The following ADAM29 variants were observed in gnomAD, a reference collection of about 807,000 sequenced individuals.
ADAM29 encodes the protein disintegrin and metalloproteinase domain-containing protein 29.
For synonymous variants in ADAM29, 367 were observed against 342.3 expected (o/e 1.07, Z -0.80); for missense variants, 969 against 1,001.8 (o/e 0.97, Z 0.44).
intron 4 of ADAM29, among the ~76,000 whole-genome samples, chr4:174,964,763 TA>T (rs1430618653): frequency 7.9e-5 from 12 of 152,042 alleles, no homozygotes; most frequent in Admixed American, 2.0e-4. Context: ...TAAACTTGAG[TA>T]AAACTCTTAA....
intron 4 of ADAM29, among the ~76,000 whole-genome samples, chr4:174,962,513 A>C (rs935539845): frequency 6.4e-5 from 9 of 139,614 alleles, no homozygotes; most frequent in East Asian, 2.0e-4. Flanking sequence ...CTCCGTCACA[A>C]AAAAAAAAAA....
intron 4 of ADAM29, among the ~76,000 whole-genome samples, chr4:174,941,458 A>C (rs1744531724): frequency 6.6e-6 from 1 of 152,182 alleles, no homozygotes; most frequent in Non-Finnish European, 1.5e-5. Context: ...TAATTGACTC[A>C]CAGCTTCACA....
In ADAM29 at chr4:174,976,568, G is replaced by A. The variant is rs201308805; in HGVS notation, c.1043G>A (p.Arg348His). The change falls in exon 5 of 5, where the codon CGT becomes CAT. Residue 348 changes from arginine (R) to histidine (H), a missense_variant. Transcript: ENST00000359240. ...ATGAACCATGATGAGGATACATGTC[G>A]TTGTTCACAACCTAGATGCATAATG... The part of the protein sequence containing the change: ...LGMNHDEDTC[R>H]CSQPRCIMHE... 1.1e-4 allele frequency: 175 copies of A among 1,600,636 alleles called. No homozygotes were observed. Among genetic ancestry groups the A allele is most frequent in the Middle Eastern group, 1.7e-4 (1 of 6,006 alleles).
intron 2 of ADAM29, among the ~76,000 whole-genome samples, chr4:174,929,601 A>G (rs1261291295): frequency 2.0e-5 from 3 of 152,108 alleles, no homozygotes; most frequent in Non-Finnish European, 2.9e-5. Flanking sequence ...TGCAAAACCC[A>G]CAGGAACTTC....
intron 2 of ADAM29, among the ~76,000 whole-genome samples, chr4:174,925,138 A>G (rs1743429244): frequency 2.0e-5 from 3 of 152,254 alleles, no homozygotes; most frequent in African/African-American, 7.2e-5. Flanking sequence ...TGCAATAGCC[A>G]AAGAAGCTGA....
rs765791678 is a variant in ADAM29, at chr4:174,976,815, T to G, written c.1290T>G (p.Thr430=). 8 of 1,614,204 alleles carry G rather than the reference T, an allele frequency of 5.0e-6. No homozygotes were observed. Among genetic ancestry groups the G allele is most frequent in the Non-Finnish European group, 6.8e-6 (8 of 1,180,036 alleles). Reference sequence around the variant, plus strand: ...ATCCCTGCTGTCTGTCAAATTGCACTCTGACTGATGGTTCTACTTGTGCTT... The same window carrying G: ...ATCCCTGCTGTCTGTCAAATTGCACGCTGACTGATGGTTCTACTTGTGCTT... ...AKDPCCLSNC[T]LTDGSTCAFG... The change falls in exon 5 of 5, where the codon ACT becomes ACG. Residue 430 remains threonine (T), a synonymous_variant. Coordinates refer to ENST00000359240, the MANE Select transcript of ADAM29 (RefSeq NM_014269.4).
rs199824806 is a variant in ADAM29, at chr4:174,942,488, ATCTGCCAAGGCT to A, written c.-181+5477_-181+5488del. Among the ~76,000 whole-genome samples the A allele has an allele frequency of 8.2e-3, 1,249 of 152,262 alleles. 15 individuals carry two copies. Among genetic ancestry groups the A allele is most frequent in the African/African-American group, 0.028 (1,143 of 41,556 alleles). ...ACCCACAGGCCCAATACCATGTGGAATCTGCCAAGGCTTAGGGCTTGTCCCCTCTGAAGCAAT... is the reference window on the plus strand; with the variant it reads ...ACCCACAGGCCCAATACCATGTGGAATAGGGCTTGTCCCCTCTGAAGCAAT... On this transcript the variant is annotated intron_variant, in intron 4 of 4. Coordinates refer to ENST00000359240, the MANE Select transcript of ADAM29 (RefSeq NM_014269.4).
rs1026731473 is a variant in ADAM29, at chr4:174,945,124, A to G, written c.-181+8111A>G. ...TAATTTACAATCCCATTAGACCTGTATAAGCATTCCCTTTTCTTCACAACC... is the reference window on the plus strand; with the variant it reads ...TAATTTACAATCCCATTAGACCTGTGTAAGCATTCCCTTTTCTTCACAACC... On this transcript the variant is annotated intron_variant, in intron 4 of 4. Transcript: ENST00000359240. Among the ~76,000 whole-genome samples, 5 of 152,194 alleles carry G rather than the reference A, an allele frequency of 3.3e-5. No individual in the cohort carries two copies. In the South Asian group the frequency reaches 6.2e-4, roughly 19 times the overall value.
At chr4:174,971,623 C>T (rs932075955) in intron 4 of ADAM29, among the ~76,000 whole-genome samples, 3 of 152,100 alleles carry the variant, frequency 2.0e-5, no homozygotes, top group African/African-American at 7.2e-5. Context: ...CTCTTTATCT[C>T]AAAATACACT....
At chr4:174,918,935 G>A (rs1743020704) in intron 1 of ADAM29, 1 of 152,092 alleles carries the variant, frequency 6.6e-6, no homozygotes, top group Non-Finnish European at 1.5e-5. Context: ...TTTAGAATCT[G>A]TTTAATTCAG....
At chr4:174,965,663 A>C (rs1050819989) in intron 4 of ADAM29, among the ~76,000 whole-genome samples, 1 of 152,086 alleles carries the variant, frequency 6.6e-6, no homozygotes, top group Admixed American at 6.6e-5. Flanking sequence ...GTCTGATGAG[A>C]GCCCTCTTTT....
intron 1 of ADAM29, among the ~76,000 whole-genome samples, chr4:174,919,346 C>A (rs1217855059): frequency 1.3e-5 from 2 of 152,184 alleles, no homozygotes; most frequent in Non-Finnish European, 2.9e-5. Context: ...CTATAGCCAA[C>A]AATGGGTTTC....
rs369886372 is a variant in ADAM29, at chr4:174,976,626, C to T, written c.1101C>T (p.Ser367=). The T allele has an allele frequency of 5.0e-6, 8 of 1,611,628 alleles. No homozygotes were observed. The African/African-American group carries it at 9.4e-5, about 19-fold the overall frequency. ...HEGNPPITKF[S]NCSYGDFWEY... The stretch of plus-strand genomic sequence containing the variant: ...GCAACCCACCAATAACTAAATTTAG[C>T]AATTGTAGTTATGGTGATTTTTGGG... The change falls in exon 5 of 5, where the codon AGC becomes AGT. Residue 367 remains serine (S), a synonymous_variant. Coordinates refer to ENST00000359240, the MANE Select transcript of ADAM29 (RefSeq NM_014269.4).
At chr4:174,935,297 C>T (rs757163380) in intron 3 of ADAM29, among the ~76,000 whole-genome samples, 2 of 151,988 alleles carry the variant, frequency 1.3e-5, no homozygotes, top group Non-Finnish European at 2.9e-5. Flanking sequence ...TTTCAAGGTA[C>T]CTTCCCATGT....
At chr4:174,958,726 CT>C (rs371953866) in intron 4 of ADAM29, among the ~76,000 whole-genome samples, 1 of 151,606 alleles carries the variant, frequency 6.6e-6, no homozygotes, top group African/African-American at 2.4e-5. Context: ...TCTTGTTCTA[CT>C]TTTTTTGTTT....
chr4:174,954,976 AT>A (rs899390780), intron 4 of ADAM29, among the ~76,000 whole-genome samples: 10 of 152,146 alleles, frequency 6.6e-5, no homozygotes, highest in Non-Finnish European at 1.2e-4. Context: ...TGCATTTTCT[AT>A]TTCATTCATG....
intron 4 of ADAM29, among the ~76,000 whole-genome samples, chr4:174,941,309 G>A (rs1744524300): frequency 1.3e-5 from 2 of 152,192 alleles, no homozygotes; most frequent in Admixed American, 6.5e-5. Flanking sequence ...TCAGGTTATT[G>A]TGGTGATGTT....
At position 174,976,572 on chromosome 4, in the gene ADAM29, T is replaced by A; in HGVS notation, c.1047T>A (p.Cys349Ter). 1 of 1,601,278 alleles carries A rather than the reference T, an allele frequency of 6.2e-7. No homozygotes were observed. Among genetic ancestry groups the A allele is most frequent in the African/African-American group, 1.3e-5 (1 of 74,818 alleles). ...ACCATGATGAGGATACATGTCGTTGTTCACAACCTAGATGCATAATGCATG... is the reference window on the plus strand; with the variant it reads ...ACCATGATGAGGATACATGTCGTTGATCACAACCTAGATGCATAATGCATG... Reference protein sequence around the residue: ...GMNHDEDTCRCSQPRCIMHEG... With the variant: ...GMNHDEDTCR Residue 349 changes from cysteine (C) to a stop codon, truncating the protein, a stop_gained, in exon 5 of 5, where the codon TGT becomes TGA. Transcript: ENST00000359240. LOFTEE classifies it low-confidence loss of function (END_TRUNC).
chr4:174,962,957 C>T (rs1041647357), intron 4 of ADAM29, among the ~76,000 whole-genome samples: 9 of 152,078 alleles, frequency 5.9e-5, no homozygotes, highest in East Asian at 1.9e-4. Flanking sequence ...AAGCTGTTAC[C>T]ACCCAAATCC....
Sources: allele counts gnomAD v4.1 joint callset (sites outside exome capture counted in the v4.1 genomes callset), GRCh38; gene constraint gnomAD v4.1.1; transcripts MANE v1.5; gene names NCBI Gene and HGNC (gene_info 2026-07-23, HGNC 2026-07-21).